The following PHF21A variants were observed in gnomAD, a reference collection of about 807,000 sequenced individuals.
The protein encoded by PHF21A is PHD finger protein 21A.
A neutral mutation model predicts 82.5 loss-of-function variants in PHF21A; 11 were observed. The observed-to-expected ratio is 0.13, with a 90% CI of 0.08 to 0.22. The LOEUF (loss-of-function observed/expected upper bound fraction) is 0.22, where lower values mean the gene tolerates loss of function less well. PHF21A is among the 10% of genes least tolerant of loss of function. The probability of loss-of-function intolerance (pLI) is 1.00; values close to 1 mark genes in which losing one functional copy is unlikely to be tolerated. For synonymous variants in PHF21A, 297 were observed against 302.8 expected (o/e 0.98, Z 0.20); for missense variants, 579 against 837.8 (o/e 0.69, Z 3.81).
At chr11:46,026,113 C>A (rs140924091) in intron 6 of PHF21A, among the ~76,000 whole-genome samples, 2 of 152,120 alleles carry the variant, frequency 1.3e-5, no homozygotes, top group Admixed American at 6.5e-5. Context: ...CGTACTTAGG[C>A]GAGAGACCTG....
At chr11:46,066,013 A>G (rs2096589837) in intron 6 of PHF21A, among the ~76,000 whole-genome samples, 1 of 152,254 alleles carries the variant, frequency 6.6e-6, no homozygotes, top group Admixed American at 6.5e-5. Flanking sequence ...AAATTTCAAA[A>G]GACAGCTTCC....
chr11:45,939,771 CAA>C lies in PHF21A; in HGVS notation c.1453-1461_1453-1460del, dbSNP rs56931455. ...AAAATTGGAAGAGGAGAACATAGCC[CAA>C]AAAAAAAAAAAAAAAAAAAAAAGAG... On this transcript the variant is annotated intron_variant, in intron 15 of 18. Coordinates refer to ENST00000676320, the MANE Select transcript of PHF21A (RefSeq NM_001352027.3). 4.7e-3 allele frequency among the ~76,000 whole-genome samples: 282 copies of C among 60,376 alleles called. 2 individuals are homozygous for C. The highest frequency in any genetic ancestry group is 0.015 in the African/African-American group (229 of 15,224). 39.6% of individuals were successfully genotyped at this position (60,376 alleles called of 152,430 possible). A position where few individuals can be genotyped will look rare whatever the true frequency, so the allele number is the denominator to read the frequency against.
intron 7 of PHF21A, among the ~76,000 whole-genome samples, chr11:45,973,854 A>G (rs1254141870): frequency 1.3e-5 from 2 of 152,236 alleles, no homozygotes; most frequent in East Asian, 1.9e-4. Context: ...ACTCACTGAC[A>G]TGGATTTTAA....
At chr11:46,048,870 G>A (rs1049815894) in intron 6 of PHF21A, among the ~76,000 whole-genome samples, 26 of 152,070 alleles carry the variant, frequency 1.7e-4, no homozygotes, top group African/African-American at 6.3e-4. Context: ...TCAGTCACAT[G>A]GTAAGTCTAT....
chr11:45,971,189 A>G lies in PHF21A; in HGVS notation c.539T>C (p.Leu180Pro), dbSNP rs1228554410. 6.2e-7 allele frequency: 1 copy of G among 1,614,160 alleles called. No homozygotes were observed. Among genetic ancestry groups the G allele is most frequent in the Admixed American group, 1.7e-5 (1 of 60,022 alleles). Residue 180 changes from leucine (L) to proline (P), a missense_variant, in exon 8 of 19, where the codon CTC (leucine) becomes CCC (proline). Coordinates refer to ENST00000676320, the MANE Select transcript of PHF21A (RefSeq NM_001352027.3). Reference sequence around the variant, plus strand: ...CCCAGTGACCTTACTAGACGTCTGGAGGTTGACTGGTGTGTTCTGCACATC... The same window carrying G: ...CCCAGTGACCTTACTAGACGTCTGGGGGTTGACTGGTGTGTTCTGCACATC... The part of the protein sequence containing the change: ...STDVQNTPVN[L>P]QTSSKVTGPG...
At chr11:46,016,884 A>AT (rs1372515124) in intron 6 of PHF21A, among the ~76,000 whole-genome samples, 1 of 152,022 alleles carries the variant, frequency 6.6e-6, no homozygotes, top group African/African-American at 2.4e-5. Context: ...CAAAATTTGT[A>AT]TCAGCAATTC....
chr11:46,076,765 T>C lies in PHF21A; in HGVS notation c.142A>G (p.Ser48Gly). Residue 48 changes from serine to glycine, a missense_variant, in exon 6 of 19, where the codon AGT becomes GGT. Transcript: ENST00000676320. The stretch of plus-strand genomic sequence containing the variant: ...CCCTTTTCCCCTACCTGTTTCTCAC[T>C]CAAAGCTGTGATTTTGGCTTGGAGT... ...HELQAKITAL[S>G]EKQKRVVEQL... 6.2e-7 allele frequency: 1 copy of C among 1,612,680 alleles called. No individual in the cohort carries two copies. Among genetic ancestry groups the C allele is most frequent in the Non-Finnish European group, 8.5e-7 (1 of 1,178,944 alleles).
chr11:45,995,851 CAA>C (rs895809792), intron 6 of PHF21A, among the ~76,000 whole-genome samples: 7 of 152,148 alleles, frequency 4.6e-5, no homozygotes, highest in Non-Finnish European at 1.0e-4. Flanking sequence ...TTATTTAAAT[CAA>C]AAGTGATTCA....
At position 45,977,136 on chromosome 11, in the gene PHF21A, AT is replaced by A. The variant is rs1232628402; in HGVS notation, c.360+2623del. ...TTATATTTTGGAAATGCTTCCTTTG[AT>A]TTTTTTTTTTTTTTTTTTTTGAGAT... On this transcript the variant is annotated intron_variant, in intron 7 of 18. Coordinates refer to ENST00000676320, the MANE Select transcript of PHF21A (RefSeq NM_001352027.3). 8.5e-3 allele frequency among the ~76,000 whole-genome samples: 1,088 copies of A among 128,060 alleles called. 7 individuals carry two copies. The highest frequency in any genetic ancestry group is 0.024 in the African/African-American group (842 of 34,460). 84.0% of individuals were successfully genotyped at this position (128,060 alleles called of 152,430 possible). A position where few individuals can be genotyped will look rare whatever the true frequency, so the allele number is the denominator to read the frequency against.
Position 45,938,837 on chromosome 11 carries a change from CT to C in PHF21A, c.1453-526del, listed in dbSNP as rs1315107302. Among the ~76,000 whole-genome samples, 303 of 143,030 alleles carry C rather than the reference CT, an allele frequency of 2.1e-3. 1 individual carries two copies. Among genetic ancestry groups the C allele is most frequent in the East Asian group, 2.6e-3 (13 of 4,986 alleles). The allele number at this position is 143,030 out of a possible 152,430, so 93.8% of individuals were successfully genotyped here. ...CAGATAAGGGGGAGACTAGTGTATT[CT>C]TTTTTTTTTTTTTGAGACAGAGTCT... On this transcript the variant is annotated intron_variant, in intron 15 of 18. Coordinates refer to ENST00000676320, the MANE Select transcript of PHF21A (RefSeq NM_001352027.3).
At chr11:46,030,846 T>TGC (rs1167966974) in intron 6 of PHF21A, among the ~76,000 whole-genome samples, 1 of 150,764 alleles carries the variant, frequency 6.6e-6, no homozygotes, top group Non-Finnish European at 1.5e-5. Flanking sequence ...TGTGTGTGTG[T>TGC]GTGTGTGTGT....
At chr11:46,072,661 A>G (rs1049197361) in intron 6 of PHF21A, among the ~76,000 whole-genome samples, 1 of 152,230 alleles carries the variant, frequency 6.6e-6, no homozygotes, top group Admixed American at 6.5e-5. Context: ...AATGTGAGAT[A>G]ATAATAGAAA....
At chr11:45,949,548 T>G in intron 12 of PHF21A, 67 bp from the exon 13 acceptor site, 1 of 1,242,004 alleles carries the variant, frequency 8.1e-7, no homozygotes, top group Non-Finnish European at 1.2e-6. Flanking sequence ...AACTTCATTG[T>G]TTTATCTATT....
At chr11:45,976,139 G>A (rs1399673863) in intron 7 of PHF21A, among the ~76,000 whole-genome samples, 4 of 152,002 alleles carry the variant, frequency 2.6e-5, no homozygotes, top group South Asian at 2.1e-4. Context: ...GCCTACTTAC[G>A]ATTCCCAGGG....
intron 1 of PHF21A, among the ~76,000 whole-genome samples, chr11:46,092,597 T>C (rs568359713): frequency 6.6e-6 from 1 of 152,298 alleles, no homozygotes; most frequent in Admixed American, 6.5e-5. Flanking sequence ...CAAATTAAGG[T>C]AACATCACTA....
chr11:46,026,935 G>A (rs527444990), intron 6 of PHF21A: 1 of 152,306 alleles, frequency 6.6e-6, no homozygotes, highest in South Asian at 2.1e-4. Flanking sequence ...AGACTGTTGA[G>A]TGTTTGGAAC....
At chr11:46,119,924 C>T (rs1309164025) in intron 1 of PHF21A, 1 of 146,404 alleles carries the variant, frequency 6.8e-6, no homozygotes, top group East Asian at 2.0e-4. Context: ...GCCGCGGCCC[C>T]TCTCGGAGCG....
chr11:45,959,703 G>A (rs2092955898), intron 10 of PHF21A, among the ~76,000 whole-genome samples: 1 of 152,166 alleles, frequency 6.6e-6, no homozygotes, highest in African/African-American at 2.4e-5. Context: ...TAGGGTACAA[G>A]ATCAAGACAA....
chr11:46,089,322 T>C (rs2096895055), intron 3 of PHF21A, among the ~76,000 whole-genome samples: 1 of 152,200 alleles, frequency 6.6e-6, no homozygotes, highest in Non-Finnish European at 1.5e-5. Context: ...ATATCTTTAT[T>C]AGCAGTAGTG....
Sources: gnomAD v4.1 joint callset for allele counts (sites outside exome capture counted in the v4.1 genomes callset) on GRCh38, gnomAD v4.1.1 for gene constraint, MANE v1.5 for transcripts, NCBI Gene and HGNC (gene_info 2026-07-23, HGNC 2026-07-21) for gene names.